XRN2: variants seen among roughly 807,000 people sequenced by gnomAD.
XRN2 encodes DHM1-like protein.
XRN2 carries 44 observed loss-of-function variants against 138.5 expected under a neutral mutation model. The observed-to-expected ratio is 0.32, with a 90% CI of 0.25 to 0.41. XRN2 has a LOEUF of 0.41. XRN2 is among the 10% of genes least tolerant of loss of function. The probability of loss-of-function intolerance (pLI) is 1.00; values close to 1 mark genes in which losing one functional copy is unlikely to be tolerated. For missense variants in XRN2, 937 were observed against 1,169.3 expected (o/e 0.80, Z 2.90); for synonymous variants, 354 against 369.4 (o/e 0.96, Z 0.48).
chr20:21,343,977 A>G lies in XRN2; in HGVS notation c.1411-113A>G, dbSNP rs960383181. 1.4e-5 allele frequency: 10 copies of G among 723,472 alleles called. No individual in the cohort carries two copies. In the Admixed American group the frequency reaches 1.9e-4, roughly 14 times the overall value. The allele number at this position is 723,472 out of a possible 1,614,324, so 44.8% of individuals were successfully genotyped here. On this transcript the variant is annotated intron_variant, in intron 15 of 29. Transcript: ENST00000377191. The stretch of plus-strand genomic sequence containing the variant: ...CTAAATATGTTTACCATCTCTATGT[A>G]GTAGCTTTAAAAATGTTACTGTGAA...
At chr20:21,333,650 C>G (rs779114767) in intron 10 of XRN2, 32 bp downstream of exon 10, 31 of 1,613,970 alleles carry the variant, frequency 1.9e-5, no homozygotes, top group Non-Finnish European at 2.6e-5. Flanking sequence ...AATCAGCACT[C>G]TAAAGCAGGG....
Position 21,326,378 on chromosome 20 carries a change from A to G in XRN2, c.175A>G (p.Ile59Val). The G allele has an allele frequency of 6.2e-7, 1 of 1,613,950 alleles. No homozygotes were observed. Among genetic ancestry groups the G allele is most frequent in the Non-Finnish European group, 8.5e-7 (1 of 1,179,906 alleles). ...TCTGTATTTGGATATGAATGGAATC[A>G]TCCATCCCTGTACTCATCCTGAAGA... ...DNLYLDMNGI[I>V]HPCTHPEDKP... Residue 59 changes from isoleucine to valine, a missense_variant, in exon 2 of 30, where the codon ATC (isoleucine) becomes GTC (valine). Transcript: ENST00000377191.
intron 13 of XRN2, among the ~76,000 whole-genome samples, chr20:21,337,117 G>A (rs2038305647): frequency 6.6e-6 from 1 of 152,234 alleles, no homozygotes; most frequent in Non-Finnish European, 1.5e-5. Context: ...TTGTGCATCA[G>A]TGTAAGGTTT....
At chr20:21,343,580 G>A (rs1600695506) in intron 15 of XRN2, among the ~76,000 whole-genome samples, 1 of 150,834 alleles carries the variant, frequency 6.6e-6, no homozygotes, top group East Asian at 1.9e-4. Flanking sequence ...ATTCTCACCA[G>A]CATTGACTAT....
At chr20:21,351,603 A>C (rs1422195981) in intron 20 of XRN2, among the ~76,000 whole-genome samples, 1 of 152,146 alleles carries the variant, frequency 6.6e-6, no homozygotes, top group Non-Finnish European at 1.5e-5. Flanking sequence ...GATGAAATCA[A>C]GTTTATCTTT....
At chr20:21,344,833 C>T (rs1174861775) in intron 16 of XRN2, among the ~76,000 whole-genome samples, 1 of 152,048 alleles carries the variant, frequency 6.6e-6, no homozygotes, top group African/African-American at 2.4e-5. Flanking sequence ...GATTAACAAC[C>T]TCTCATGTAA....
intron 1 of XRN2, 145 bp downstream of exon 1, chr20:21,303,618 ACACGCGATGG>A (rs2037770224): frequency 1.4e-5 from 19 of 1,367,732 alleles, no homozygotes; most frequent in Non-Finnish European, 1.8e-5. Context: ...TCGCAGCCCC[ACACGCGATGG>A]GACGCGGGCT....
intron 20 of XRN2, among the ~76,000 whole-genome samples, chr20:21,353,794 T>TA (rs11483541): frequency 0.68 from 94,076 of 138,894 alleles, 31,846 homozygotes; most frequent in East Asian, 0.8. Flanking sequence ...GACCCTATCT[T>TA]AAAAAAAAAA....
intron 1 of XRN2, among the ~76,000 whole-genome samples, chr20:21,322,277 A>G (rs2038056766): frequency 6.6e-6 from 1 of 152,218 alleles, no homozygotes; most frequent in Non-Finnish European, 1.5e-5. Flanking sequence ...CACACGTACA[A>G]CTTGAAAAAA....
At chr20:21,367,920 A>G (rs1483528377) in intron 26 of XRN2, among the ~76,000 whole-genome samples, 2 of 152,186 alleles carry the variant, frequency 1.3e-5, no homozygotes, top group Non-Finnish European at 2.9e-5. Context: ...ATAATTTTAG[A>G]TGAGCATAAT....
At chr20:21,366,592 C>T (rs2038707252) in intron 26 of XRN2, among the ~76,000 whole-genome samples, 2 of 151,312 alleles carry the variant, frequency 1.3e-5, no homozygotes, top group South Asian at 2.1e-4. Context: ...AAAGAAAATA[C>T]TGAGTTTGTT....
intron 6 of XRN2, among the ~76,000 whole-genome samples, 163 bp from the exon 7 acceptor site, chr20:21,331,398 T>TTC (rs1314796063): frequency 6.4e-5 from 6 of 94,148 alleles, no homozygotes; most frequent in African/African-American, 2.4e-4. Flanking sequence ...TTTGGTGTTT[T>TTC]TCACACACAC....
intron 22 of XRN2, among the ~76,000 whole-genome samples, 157 bp from the exon 23 acceptor site, chr20:21,356,429 A>C (rs1009189668): frequency 4.0e-5 from 6 of 151,754 alleles, no homozygotes; most frequent in Admixed American, 3.9e-4. Flanking sequence ...ATAATACTCT[A>C]TGTGTACTTT....
At chr20:21,380,118 G>A (rs1600720258) in intron 27 of XRN2, among the ~76,000 whole-genome samples, 3 of 152,284 alleles carry the variant, frequency 2.0e-5, no homozygotes, top group Non-Finnish European at 4.4e-5. Flanking sequence ...ATGGTAAAAA[G>A]GGGTATGTTT....
intron 1 of XRN2, among the ~76,000 whole-genome samples, chr20:21,322,153 AT>A (rs1168101232): frequency 1.3e-5 from 2 of 152,198 alleles, no homozygotes; most frequent in Non-Finnish European, 2.9e-5. Flanking sequence ...ATAGAATGGA[AT>A]AATCCATGAG....
In XRN2 at chr20:21,326,292, A is replaced by T. The variant is rs764036284; in HGVS notation, c.89A>T (p.Asn30Ile). The change falls in exon 2 of 30, where the codon AAT (asparagine) becomes ATT (isoleucine). Residue 30 changes from asparagine to isoleucine, a missense_variant. By Grantham distance (149) the Asn-to-Ile change is moderately radical (BLOSUM62 -3). Around this residue, in one of 6 missense-constraint regions of XRN2, gnomAD observed 51 missense variants for 93.5 expected, o/e 0.55. Transcript: ENST00000377191. ...NCVEEKPKEC[N>I]GVKIPVDASK... ...ACTTCCTCATAGCCAAAAGAATGCA[A>T]TGGTGTAAAGATTCCAGTTGATGCC... 3 of 1,613,492 alleles carry T rather than the reference A, an allele frequency of 1.9e-6. No homozygotes were observed. In the Admixed American group the frequency reaches 5.0e-5, roughly 27 times the overall value.
At chr20:21,310,084 G>A (rs1220147929) in intron 1 of XRN2, among the ~76,000 whole-genome samples, 1 of 152,106 alleles carries the variant, frequency 6.6e-6, no homozygotes, top group Non-Finnish European at 1.5e-5. Context: ...TAGATCTTGA[G>A]TGCCATAAAT....
At chr20:21,356,199 A>C in intron 22 of XRN2, 22 bp downstream of exon 22, 1 of 1,565,990 alleles carries the variant, frequency 6.4e-7, no homozygotes, top group Non-Finnish European at 8.7e-7. Flanking sequence ...AATTTGGTTA[A>C]TTAGAAATGC....
chr20:21,333,018 A>AG (rs770312680), intron 9 of XRN2, among the ~76,000 whole-genome samples: 9 of 152,178 alleles, frequency 5.9e-5, no homozygotes, highest in East Asian at 5.8e-4. Flanking sequence ...ATGCTTTTTG[A>AG]GGGGGGAAAA....
Sources: allele counts gnomAD v4.1 joint callset (sites outside exome capture counted in the v4.1 genomes callset), GRCh38; gene constraint gnomAD v4.1.1; regional missense constraint gnomAD v4.1.1; transcripts MANE v1.5; gene names NCBI Gene and HGNC (gene_info 2026-07-23, HGNC 2026-07-21).